Variants in PACSIN1 observed in about 807,000 individuals in gnomAD.
The protein encoded by PACSIN1 is protein kinase C and casein kinase substrate in neurons protein 1.
In PACSIN1, 15 loss-of-function variants were observed where a neutral mutation model predicts 59.5. The observed-to-expected ratio is 0.25, with a 90% CI of 0.17 to 0.39. The LOEUF (loss-of-function observed/expected upper bound fraction) is 0.39, where lower values mean the gene tolerates loss of function less well. Among genes scored for constraint, PACSIN1 ranks in the 10% least tolerant of loss-of-function variants. The pLI, the probability that PACSIN1 is intolerant of heterozygous loss-of-function variation, is 1.00. For missense variants in PACSIN1, 420 were observed against 580.2 expected (o/e 0.72, Z 2.84); for synonymous variants, 210 against 220.6 (o/e 0.95, Z 0.42).
chr6:34,468,174 G>T (rs373460292), intron 1 of PACSIN1, among the ~76,000 whole-genome samples: 2 of 152,226 alleles, frequency 1.3e-5, no homozygotes, highest in East Asian at 1.9e-4. Flanking sequence ...AAGCTCTCAG[G>T]GGTCTCATGA....
chr6:34,510,485 T>TCCCATCCACCCA (rs1161508355), intron 1 of PACSIN1, among the ~76,000 whole-genome samples: 3 of 152,244 alleles, frequency 2.0e-5, no homozygotes, highest in Admixed American at 6.5e-5. Flanking sequence ...TCATCCGCCC[T>TCCCATCCACCCA]CCCATCCACC....
At chr6:34,524,394 C>T (rs75529383) in intron 1 of PACSIN1, among the ~76,000 whole-genome samples, 1,697 of 152,232 alleles carry the variant, frequency 0.011, 45 homozygotes, top group East Asian at 0.095. Flanking sequence ...CACAAAAGGA[C>T]CTACAGAGAA....
intron 1 of PACSIN1, among the ~76,000 whole-genome samples, chr6:34,469,833 C>T (rs1766547148): frequency 6.6e-6 from 1 of 152,216 alleles, no homozygotes; most frequent in Non-Finnish European, 1.5e-5. Context: ...ACAAGATCAA[C>T]CGGAGCCTGG....
intron 1 of PACSIN1, among the ~76,000 whole-genome samples, chr6:34,497,103 C>T (rs777343370): frequency 1.3e-5 from 2 of 151,656 alleles, no homozygotes; most frequent in East Asian, 1.9e-4. Flanking sequence ...CGCCCACCAC[C>T]GCACCTGGCT....
intron 1 of PACSIN1, among the ~76,000 whole-genome samples, chr6:34,491,263 T>C (rs1766872321): frequency 6.6e-6 from 1 of 152,166 alleles, no homozygotes; most frequent in South Asian, 2.1e-4. Flanking sequence ...TGTCTTTCTC[T>C]AGTGCACGCG....
At chr6:34,493,652 G>A (rs7742811) in intron 1 of PACSIN1, among the ~76,000 whole-genome samples, 151,813 of 152,356 alleles carry the variant, frequency 1, 75,638 homozygotes, top group Middle Eastern at 1. Flanking sequence ...TGGGGAACCA[G>A]TGCTCCCCAA....
chr6:34,491,076 C>T (rs1411479202), intron 1 of PACSIN1, among the ~76,000 whole-genome samples: 2 of 152,124 alleles, frequency 1.3e-5, no homozygotes, highest in Admixed American at 1.3e-4. Flanking sequence ...GCCGACTCAT[C>T]GTGGGCTGAG....
In PACSIN1 at chr6:34,514,653, G is replaced by A. The variant is rs1767257618; in HGVS notation, c.-63-11590G>A. 6.6e-6 allele frequency among the ~76,000 whole-genome samples: 1 copy of A among 152,148 alleles called. No homozygotes were observed. Among genetic ancestry groups the A allele is most frequent in the Non-Finnish European group, 1.5e-5 (1 of 68,034 alleles). On this transcript the variant is annotated intron_variant, in intron 1 of 9. Transcript: ENST00000244458. This position sits in a 1 kb window ranked among gnomAD's most constrained non-coding sequence, Gnocchi z 4.4. ...GGCGGCCGAGCCTGTGTCCCCACCA[G>A]CGTCTCTGTGGCCGTGAAGTGTATG...
intron 1 of PACSIN1, among the ~76,000 whole-genome samples, chr6:34,497,517 G>A (rs139828209): frequency 6.6e-6 from 1 of 152,114 alleles, no homozygotes; most frequent in Admixed American, 6.5e-5. Flanking sequence ...GAGGCTCCTC[G>A]CAGGCTCACC....
intron 2 of PACSIN1, 105 bp from the exon 3 acceptor site, chr6:34,527,226 CG>C: frequency 9.5e-7 from 1 of 1,052,786 alleles, no homozygotes; most frequent in Non-Finnish European, 1.2e-6. Context: ...AGGCCGTAAG[CG>C]GGGAGGCGGG....
Position 34,521,518 on chromosome 6 carries a change from G to A in PACSIN1, c.-63-4725G>A, listed in dbSNP as rs1767392093. Among the ~76,000 whole-genome samples the A allele has an allele frequency of 6.6e-6, 1 of 152,220 alleles. No individual in the cohort carries two copies. Among genetic ancestry groups the A allele is most frequent in the Non-Finnish European group, 1.5e-5 (1 of 68,032 alleles). ...ATGCCCTCCACGCTGGGGCTCCTTT[G>A]TCACTGAGGCCGCCATTACAGACTT... On this transcript the variant is annotated intron_variant, in intron 1 of 9. Coordinates refer to ENST00000244458, the MANE Select transcript of PACSIN1 (RefSeq NM_020804.5). The surrounding 1 kb of genome is among the most constrained non-coding windows in gnomAD (Gnocchi z 4.3).
intron 3 of PACSIN1, among the ~76,000 whole-genome samples, chr6:34,528,356 G>C (rs1767526007): frequency 6.6e-6 from 1 of 152,350 alleles, no homozygotes; most frequent in South Asian, 2.1e-4. Flanking sequence ...CCATTCCATG[G>C]GGCTCACATG....
intron 1 of PACSIN1, among the ~76,000 whole-genome samples, chr6:34,504,314 G>C (rs867943710): frequency 2.2e-5 from 3 of 135,504 alleles, no homozygotes; most frequent in Non-Finnish European, 3.1e-5. Flanking sequence ...TTTTTTAAAC[G>C]GAGTTTTGCT....
Position 34,524,235 on chromosome 6 carries a change from C to A in PACSIN1, c.-63-2008C>A, listed in dbSNP as rs538001493. Among the ~76,000 whole-genome samples, 10 of 152,304 alleles carry A rather than the reference C, an allele frequency of 6.6e-5. No individual in the cohort carries two copies. The South Asian group carries it at 1.0e-3, about 16-fold the overall frequency. ...TTTGGCCTGACATACCAGGTCTCAG[C>A]TGTACTGTCCCTTCCCTCCATGCTG... is the stretch of plus-strand genomic sequence containing the variant. On this transcript the variant is annotated intron_variant, in intron 1 of 9. Transcript: ENST00000244458.
chr6:34,498,317 C>T (rs1766976836), intron 1 of PACSIN1, among the ~76,000 whole-genome samples: 1 of 152,184 alleles, frequency 6.6e-6, no homozygotes, highest in African/African-American at 2.4e-5. Context: ...GCTTCAGCCT[C>T]CCAAAGTGCT....
Position 34,530,525 on chromosome 6 carries a change from A to T in PACSIN1, c.975A>T (p.Gly325=). ...KKEKQPKKAE[G]VALTNATGAV... is the part of the protein sequence containing the mutation. ...AGAAACAGCCTAAGAAGGCAGAGGG[A>T]GTGGCGCTGACCAATGCCACTGGGG... The change falls in exon 8 of 10, where the codon GGA becomes GGT. Residue 325 remains glycine, a synonymous_variant. Coordinates refer to ENST00000244458, the MANE Select transcript of PACSIN1 (RefSeq NM_020804.5). This position sits in a 1 kb window ranked among gnomAD's most constrained non-coding sequence, Gnocchi z 4.4. 6.2e-7 allele frequency: 1 copy of T among 1,609,868 alleles called. No individual in the cohort carries two copies. Among genetic ancestry groups the T allele is most frequent in the Non-Finnish European group, 8.5e-7 (1 of 1,178,288 alleles).
chr6:34,529,852 A>G lies in PACSIN1; in HGVS notation c.788+11A>G, dbSNP rs371929468. 1.5e-5 allele frequency: 24 copies of G among 1,611,758 alleles called. No individual in the cohort carries two copies. The African/African-American group carries it at 2.1e-4, about 14-fold the overall frequency. Reference sequence around the variant, plus strand: ...GGCTGAGAACAGCAGGTACCTGGGCATGGCAGGCACCGAGGGCACAGGCAC... The same window carrying G: ...GGCTGAGAACAGCAGGTACCTGGGCGTGGCAGGCACCGAGGGCACAGGCAC... On this transcript the variant is annotated intron_variant, in intron 6 of 9. Coordinates refer to ENST00000244458, the MANE Select transcript of PACSIN1 (RefSeq NM_020804.5). This position sits in a 1 kb window ranked among gnomAD's most constrained non-coding sequence, Gnocchi z 6.3.
At chr6:34,510,469 A>G (rs901489979) in intron 1 of PACSIN1, among the ~76,000 whole-genome samples, 1 of 151,966 alleles carries the variant, frequency 6.6e-6, no homozygotes, top group East Asian at 1.9e-4. Flanking sequence ...TCTACCTACC[A>G]TCCATTCATC....
chr6:34,490,675 C>T (rs1766863126), intron 1 of PACSIN1, among the ~76,000 whole-genome samples: 2 of 152,206 alleles, frequency 1.3e-5, no homozygotes, highest in African/African-American at 2.4e-5. Flanking sequence ...TTCTTAGGGG[C>T]TTTCCCGTTG....
Sources: gnomAD v4.1 joint callset for allele counts (sites outside exome capture counted in the v4.1 genomes callset) on GRCh38, gnomAD v4.1.1 for gene constraint, Gnocchi (gnomAD v3.1) non-coding constraint, MANE v1.5 for transcripts, NCBI Gene and HGNC (gene_info 2026-07-23, HGNC 2026-07-21) for gene names.